RNF150: variants seen among roughly 807,000 people sequenced by gnomAD.
RNF150 encodes the protein ring finger protein 150.
Under a neutral mutation model 39.3 loss-of-function variants are expected in RNF150, and 24 were observed. The ratio of observed to expected loss-of-function variants is 0.61; its 90% CI spans 0.44 to 0.86. The LOEUF is 0.86. RNF150 is among the 40% of genes least tolerant of loss of function. The pLI, the probability that RNF150 is intolerant of heterozygous loss-of-function variation, is 0.00. For missense variants in RNF150, 502 were observed against 587.8 expected (o/e 0.85, Z 1.51); for synonymous variants, 255 against 227.3 (o/e 1.12, Z -1.10).
rs146583945 is a variant in RNF150 at position 140,864,099 on chromosome 4, A to G, written c.*4162T>C. 3 of 152,328 alleles carry G rather than the reference A, an allele frequency of 2.0e-5. No individual in the cohort carries two copies. Among genetic ancestry groups the G allele is most frequent in the African/African-American group, 7.2e-5 (3 of 41,572 alleles). 9.4% of individuals were successfully genotyped at this position (152,328 alleles called of 1,614,324 possible). A position where few individuals can be genotyped will look rare whatever the true frequency, so the allele number is the denominator to read the frequency against. ...CAGGATATTTCACCAGGATGAAGGAAATGTTAAAAACAAGAAAACAAAACA... is the reference window on the plus strand; with the variant it reads ...CAGGATATTTCACCAGGATGAAGGAGATGTTAAAAACAAGAAAACAAAACA... On this transcript the variant is annotated 3_prime_UTR_variant, in exon 7 of 7. Transcript: ENST00000515673.
At chr4:140,963,557 A>G (rs202126419) in intron 2 of RNF150, among the ~76,000 whole-genome samples, 9 of 151,188 alleles carry the variant, frequency 6.0e-5, no homozygotes, top group African/African-American at 2.2e-4. Context: ...AAAATGGAGA[A>G]AAGTTTGCAA....
At chr4:140,918,663 A>G (rs12332039) in intron 5 of RNF150, among the ~76,000 whole-genome samples, 82,990 of 150,904 alleles carry the variant, frequency 0.55, 23,319 homozygotes, top group East Asian at 0.89. Flanking sequence ...CAAAAAGAGG[A>G]AATCCTCCCT....
chr4:141,139,507 G>A (rs1727080987), intron 1 of RNF150, among the ~76,000 whole-genome samples: 1 of 152,220 alleles, frequency 6.6e-6, no homozygotes, highest in Non-Finnish European at 1.5e-5. Context: ...GCCTTACAAA[G>A]GAGTAGGCTT....
intron 1 of RNF150, among the ~76,000 whole-genome samples, chr4:140,999,934 TCTCAAA>T (rs1734518816): frequency 1.9e-5 from 1 of 52,238 alleles, no homozygotes; most frequent in East Asian, 5.5e-4. Flanking sequence ...TGAGACTTGG[TCTCAAA>T]AAAAGAAGAA....
chr4:141,046,770 G>A (rs949095643), intron 1 of RNF150, among the ~76,000 whole-genome samples: 4 of 152,004 alleles, frequency 2.6e-5, no homozygotes, highest in African/African-American at 4.8e-5. Flanking sequence ...TCCCTCATAC[G>A]ATCTCACAAT....
chr4:141,144,115 C>G (rs1217634391), intron 1 of RNF150, among the ~76,000 whole-genome samples: 1 of 133,438 alleles, frequency 7.5e-6, no homozygotes, highest in Non-Finnish European at 1.6e-5. Flanking sequence ...GCAGAAGTTG[C>G]TGGGGGAAAA....
intron 5 of RNF150, among the ~76,000 whole-genome samples, chr4:140,914,910 C>G (rs2111285027): frequency 6.6e-6 from 1 of 152,230 alleles, no homozygotes; most frequent in Middle Eastern, 3.4e-3. Flanking sequence ...ATGTATTTGT[C>G]TTATACCATG....
At chr4:140,931,074 G>T (rs79154754) in intron 4 of RNF150, among the ~76,000 whole-genome samples, 5,976 of 151,976 alleles carry the variant, frequency 0.039, 119 homozygotes, top group Middle Eastern at 0.088. Context: ...TGTGTTTGGG[G>T]TGTGGGGAGA....
At chr4:141,096,475 G>T (rs1042969718) in intron 1 of RNF150, among the ~76,000 whole-genome samples, 2 of 152,064 alleles carry the variant, frequency 1.3e-5, no homozygotes, top group Admixed American at 6.6e-5. Flanking sequence ...TAGGATTACA[G>T]GCGTGAGTCA....
intron 1 of RNF150, among the ~76,000 whole-genome samples, chr4:141,192,534 G>A (rs1458124501): frequency 3.3e-5 from 5 of 152,166 alleles, no homozygotes; most frequent in Non-Finnish European, 7.4e-5. Flanking sequence ...GTGAGAAATA[G>A]TTTAGACAGG....
In RNF150 at chr4:141,047,256, C is replaced by T. The variant is rs191001894; in HGVS notation, c.485-79383G>A. On this transcript the variant is annotated intron_variant, in intron 1 of 6. Coordinates refer to ENST00000515673, the MANE Select transcript of RNF150 (RefSeq NM_020724.2). ...TGCTAGTTTTTTACATATGTTAAAA[C>T]GCTATGACAGTATTCTGAACGTGTC... Among the ~76,000 whole-genome samples the T allele has an allele frequency of 5.3e-5, 8 of 152,200 alleles. No homozygotes were observed. The East Asian group carries it at 1.4e-3, about 26-fold the overall frequency.
chr4:141,189,229 G>A (rs1728064661), intron 1 of RNF150, among the ~76,000 whole-genome samples: 1 of 152,206 alleles, frequency 6.6e-6, no homozygotes. Context: ...ACCAGTGGAG[G>A]CTGCAGAACA....
chr4:141,001,992 G>A (rs529461507), intron 1 of RNF150, among the ~76,000 whole-genome samples: 37 of 152,126 alleles, frequency 2.4e-4, no homozygotes, highest in African/African-American at 8.7e-4. Flanking sequence ...CATTTGTGGA[G>A]TAATCAGTTT....
rs533913873 is a variant in RNF150, at chr4:141,186,627, G to A, written c.-6+26167C>T. ...TCACCATGTTAGCCAGGATGGTCTC[G>A]ATCTCCTGACCTAGTGATCCACCTG... On this transcript the variant is annotated intron_variant, in intron 1 of 7. Coordinates refer to the RNF150 transcript ENST00000420921. Among the ~76,000 whole-genome samples, 6 of 151,440 alleles carry A rather than the reference G, an allele frequency of 4.0e-5. No individual in the cohort carries two copies. The East Asian group carries it at 1.2e-3, about 29-fold the overall frequency.
chr4:140,969,944 A>G (rs932383137), intron 1 of RNF150, among the ~76,000 whole-genome samples: 3 of 151,760 alleles, frequency 2.0e-5, no homozygotes, highest in Admixed American at 2.0e-4. Context: ...TTGTCTTTTT[A>G]GTAGAGACAG....
intron 5 of RNF150, among the ~76,000 whole-genome samples, chr4:140,918,125 A>G (rs963326682): frequency 6.6e-6 from 1 of 152,214 alleles, no homozygotes; most frequent in Admixed American, 6.5e-5. Flanking sequence ...CATCACAATT[A>G]AAAGAACTAG....
chr4:140,878,207 C>T (rs560581046), intron 6 of RNF150, among the ~76,000 whole-genome samples: 1 of 83,062 alleles, frequency 1.2e-5, no homozygotes, highest in Admixed American at 1.2e-4. Context: ...TGTTTTATCA[C>T]CCAGGCTGGA....
intron 1 of RNF150, among the ~76,000 whole-genome samples, chr4:141,026,526 G>T (rs1050751128): frequency 1.3e-5 from 2 of 152,134 alleles, no homozygotes; most frequent in Admixed American, 1.3e-4. Flanking sequence ...GAATTTAGGT[G>T]GGGTGTGCAA....
intron 4 of RNF150, among the ~76,000 whole-genome samples, chr4:140,927,067 C>T (rs1016696456): frequency 6.6e-6 from 1 of 152,136 alleles, no homozygotes; most frequent in Admixed American, 6.5e-5. Flanking sequence ...TTCCAAAAAC[C>T]TCATTTGCCT....
Sources: allele counts gnomAD v4.1 joint callset (sites outside exome capture counted in the v4.1 genomes callset), GRCh38; gene constraint gnomAD v4.1.1; transcripts MANE v1.5; gene names NCBI Gene and HGNC (gene_info 2026-07-23, HGNC 2026-07-21).